ZNF487: variants seen among roughly 807,000 people sequenced by gnomAD.
The protein encoded by ZNF487 is KRAB domain only 1.
In ZNF487, 4 loss-of-function variants were observed where a neutral mutation model predicts 3.0. The observed-to-expected ratio is 1.35, with a 90% confidence interval of 0.66 to 3.08. The LOEUF (loss-of-function observed/expected upper bound fraction) is 3.08, where lower values mean the gene tolerates loss of function less well. Among genes scored for constraint, ZNF487 ranks in the 30% most tolerant of loss-of-function variants. ZNF487 has a pLI of 0.01. For missense variants in ZNF487, 146 were observed against 98.7 expected, an observed-to-expected ratio of 1.48 and a Z score of -2.03; for synonymous variants, 55 against 34.6, an observed-to-expected ratio of 1.59 and a Z score of -2.06.
downstream of ZNF487, among the ~76,000 whole-genome samples, chr10:43,487,454 C>CTT (rs1223205564): frequency 7.8e-6 from 1 of 127,480 alleles, no homozygotes; most frequent in African/African-American, 2.9e-5. Flanking sequence ...ACATTTTTTT[C>CTT]TTTTTTTTTT....
chr10:43,510,643 G>C, the ZNF487 span, among the ~76,000 whole-genome samples: 1 of 152,140 alleles, frequency 6.6e-6, no homozygotes, highest in African/African-American at 2.4e-5. Flanking sequence ...TGCCTCCCGG[G>C]TTCAAGCAAT....
At chr10:43,438,352 A>C (rs1331863971) in intron 1 of ZNF487, among the ~76,000 whole-genome samples, 1 of 151,932 alleles carries the variant, frequency 6.6e-6, no homozygotes, top group Non-Finnish European at 1.5e-5. Flanking sequence ...CACCCGGCTA[A>C]TTTTTGTATT....
chr10:43,496,661 A>G, the ZNF487 span, among the ~76,000 whole-genome samples: 1 of 152,150 alleles, frequency 6.6e-6, no homozygotes, highest in African/African-American at 2.4e-5. Context: ...TGGGTTACAA[A>G]CAACTGAAAT....
downstream of ZNF487, among the ~76,000 whole-genome samples, chr10:43,484,347 C>T (rs112343235): frequency 3.9e-5 from 6 of 152,134 alleles, 1 homozygote; most frequent in African/African-American, 9.6e-5. Context: ...TGGCTCACAC[C>T]TGTAATCCCA....
At chr10:43,518,418 A>C in the ZNF487 span, among the ~76,000 whole-genome samples, 31,763 of 152,012 alleles carry the variant, frequency 0.21, 5,550 homozygotes, top group African/African-American at 0.47. Flanking sequence ...ATAGCACTTC[A>C]TATGCCAGTG....
At chr10:43,514,491 A>G in the ZNF487 span, among the ~76,000 whole-genome samples, 1 of 152,074 alleles carries the variant, frequency 6.6e-6, no homozygotes, top group Admixed American at 6.6e-5. Flanking sequence ...CGACTTAGAA[A>G]TTTTCTGCTT....
chr10:43,439,318 T>C lies in ZNF487; in HGVS notation c.-94+2056T>C, dbSNP rs552574384. ...TGGAAGCTGAAGTCGGAGGATTACA[T>C]GTGCCTAGGAGGTTGAGGCTTCAGT... On this transcript the variant is annotated intron_variant, in intron 1 of 3. Transcript: ENST00000437590. 1.4e-3 allele frequency among the ~76,000 whole-genome samples: 209 copies of C among 152,278 alleles called. 1 individual carries two copies. Among genetic ancestry groups the C allele is most frequent in the Middle Eastern group, 3.4e-3 (1 of 294 alleles).
the ZNF487 span, among the ~76,000 whole-genome samples, chr10:43,513,184 T>A: frequency 3.9e-5 from 6 of 152,202 alleles, no homozygotes; most frequent in Non-Finnish European, 8.8e-5. Context: ...TGCTTCCGAA[T>A]AAGATTATGA....
At chr10:43,523,323 A>AAAT in the ZNF487 span, 1 of 152,296 alleles carries the variant, frequency 6.6e-6, no homozygotes, top group South Asian at 2.1e-4. Context: ...GTCAACAACA[A>AAAT]AATACTGATG....
chr10:43,506,276 G>A, the ZNF487 span, among the ~76,000 whole-genome samples: 1 of 152,138 alleles, frequency 6.6e-6, no homozygotes, highest in Non-Finnish European at 1.5e-5. Context: ...CACTTTGGGA[G>A]GTCAAGGTGG....
chr10:43,495,506 T>A, the ZNF487 span, among the ~76,000 whole-genome samples: 144 of 152,230 alleles, frequency 9.5e-4, no homozygotes, highest in Admixed American at 2.9e-3. Flanking sequence ...GGGCTCTCAA[T>A]GTGTTGGGAT....
the ZNF487 span, among the ~76,000 whole-genome samples, chr10:43,515,183 G>A: frequency 6.6e-6 from 1 of 152,152 alleles, no homozygotes; most frequent in Non-Finnish European, 1.5e-5. Context: ...CTGTTCTGCA[G>A]ATTTATTTAT....
downstream of ZNF487, among the ~76,000 whole-genome samples, chr10:43,487,006 A>G (rs1841476730): frequency 6.6e-6 from 1 of 152,242 alleles, no homozygotes; most frequent in Admixed American, 6.6e-5. Flanking sequence ...AACGTGTAAC[A>G]TAGATATCAT....
intron 1 of ZNF487, among the ~76,000 whole-genome samples, chr10:43,474,431 G>A (rs1429480458): frequency 6.6e-6 from 1 of 151,700 alleles, no homozygotes; most frequent in African/African-American, 2.4e-5. Context: ...TACAGCCTGG[G>A]TGACATGCCT....
the ZNF487 span, among the ~76,000 whole-genome samples, chr10:43,522,523 C>G: frequency 6.6e-6 from 1 of 152,138 alleles, no homozygotes; most frequent in African/African-American, 2.4e-5. Context: ...TACCTGAGGT[C>G]AGGAGTTCGA....
At chr10:43,504,103 C>T in the ZNF487 span, among the ~76,000 whole-genome samples, 1 of 152,032 alleles carries the variant, frequency 6.6e-6, no homozygotes, top group Non-Finnish European at 1.5e-5. Flanking sequence ...GTAAACATAC[C>T]TAATGACATA....
intron 1 of ZNF487, chr10:43,452,448 C>G (rs935750822): frequency 1.3e-4 from 20 of 152,212 alleles, no homozygotes; most frequent in African/African-American, 4.6e-4. Flanking sequence ...GTCACCCAGG[C>G]TGGCGTGCAG....
Position 43,482,164 on chromosome 10 carries a change from C to T in ZNF487, c.*242C>T, listed in dbSNP as rs192847661. ...AAGTTACAGAGGAGAGAAAACTTGA[C>T]TGTAGTAGACATTTGGAAGTATTCT... On this transcript the variant is annotated 3_prime_UTR_variant, in exon 4 of 4. Transcript: ENST00000437590. 1.8e-6 allele frequency: 1 copy of T among 542,432 alleles called. No homozygotes were observed. The highest frequency in any genetic ancestry group is 3.1e-5 in the East Asian group (1 of 32,198). 33.6% of individuals were successfully genotyped at this position (542,432 alleles called of 1,614,324 possible).
chr10:43,445,803 T>G (rs1839775225), intron 1 of ZNF487, among the ~76,000 whole-genome samples: 1 of 152,054 alleles, frequency 6.6e-6, no homozygotes, highest in African/African-American at 2.4e-5. Context: ...GGTCTCTGGT[T>G]TTCCTAGGCA....
Sources: allele counts gnomAD v4.1 joint callset (sites outside exome capture counted in the v4.1 genomes callset), GRCh38; gene constraint gnomAD v4.1.1; transcripts MANE v1.5; gene names NCBI Gene and HGNC (gene_info 2026-07-23, HGNC 2026-07-21).